The following ANKRD16 variants were observed in gnomAD, a reference collection of about 807,000 sequenced individuals.
The protein encoded by ANKRD16 is ankyrin repeat domain 16.
ANKRD16 carries 35 observed loss-of-function variants against 37.9 expected under a neutral mutation model. The observed-to-expected ratio is 0.92, with a 90% CI of 0.71 to 1.23. The LOEUF (loss-of-function observed/expected upper bound fraction) is 1.23. Ranked by LOEUF, ANKRD16 falls within the 50% of genes most tolerant of loss-of-function variation. The pLI, the probability that ANKRD16 is intolerant of heterozygous loss-of-function variation, is 0.00. For missense variants in ANKRD16, 480 were observed against 469.9 expected, an observed-to-expected ratio of 1.02 and a Z score of -0.20; for synonymous variants, 206 against 197.2, an observed-to-expected ratio of 1.04 and a Z score of -0.37.
chr10:5,889,358 C>T lies in ANKRD16; in HGVS notation c.-4G>A. On this transcript the variant is annotated 5_prime_UTR_variant, in exon 1 of 8. Coordinates refer to ENST00000380094, the MANE Select transcript of ANKRD16 (RefSeq NM_019046.3). ...GCGGGTCCCCGGGCTGGGCCATCGC[C>T]GCGGGTCGGGCCGGGCTGCGCGGGG... The T allele has an allele frequency of 1.6e-6, 2 of 1,221,548 alleles. No individual in the cohort carries two copies. Among genetic ancestry groups the T allele is most frequent in the East Asian group, 3.3e-5 (1 of 29,946 alleles). The allele number at this position is 1,221,548 out of a possible 1,614,324, so 75.7% of individuals were successfully genotyped here. A position where few individuals can be genotyped will look rare whatever the true frequency, so the allele number is the denominator to read the frequency against.
chr10:5,875,997 C>A (rs1211236174), intron 7 of ANKRD16, among the ~76,000 whole-genome samples: 1 of 152,174 alleles, frequency 6.6e-6, no homozygotes. Flanking sequence ...GATTCTCCTG[C>A]CTCAGCCTCC....
intron 5 of ANKRD16, among the ~76,000 whole-genome samples, chr10:5,881,364 G>A (rs1020096529): frequency 2.1e-5 from 3 of 144,704 alleles, no homozygotes; most frequent in East Asian, 4.1e-4. Flanking sequence ...GATCATAACC[G>A]CTCATAAATG....
chr10:5,889,726 A>C lies in ANKRD16; in HGVS notation c.-372T>G. ...CTGGAGCTGCAGCGGCCCGTACGTG[A>C]TTCGGGACTGAACACGTAAGGGAGT... is the stretch of plus-strand genomic sequence containing the variant. On this transcript the variant is annotated 5_prime_UTR_variant, in exon 1 of 8. Coordinates refer to ENST00000380094, the MANE Select transcript of ANKRD16 (RefSeq NM_019046.3). 1 of 162,690 alleles carries C rather than the reference A, an allele frequency of 6.1e-6. No homozygotes were observed. The allele number at this position is 162,690 out of a possible 1,614,324, so 10.1% of individuals were successfully genotyped here. A position where few individuals can be genotyped will look rare whatever the true frequency, so the allele number is the denominator to read the frequency against.
intron 6 of ANKRD16, among the ~76,000 whole-genome samples, chr10:5,879,979 G>A (rs1842261269): frequency 1.3e-5 from 2 of 151,628 alleles, no homozygotes; most frequent in Non-Finnish European, 2.9e-5. Context: ...GCCAACATAG[G>A]GAAACCCCAT....
At position 5,871,548 on chromosome 10, in the gene ANKRD16, T is replaced by G. The variant is rs942547913; in HGVS notation, c.*33+6549A>C. On this transcript the variant is annotated intron_variant, in intron 7 of 7. Coordinates refer to ENST00000380094, the MANE Select transcript of ANKRD16 (RefSeq NM_019046.3). The surrounding 1 kb of genome is among the most constrained non-coding windows in gnomAD (Gnocchi z 4.5). ...AAACGTAATAAATGTGCTCCACAAA[T>G]CCCCCACCCTCCTAGATACTGGCAT... 6.6e-6 allele frequency among the ~76,000 whole-genome samples: 1 copy of G among 152,120 alleles called. No homozygotes were observed. The highest frequency in any genetic ancestry group is 2.4e-5 in the African/African-American group (1 of 41,414).
chr10:5,880,292 C>A lies in ANKRD16; in HGVS notation c.928+6G>T. The A allele has an allele frequency of 6.4e-7, 1 of 1,559,628 alleles. No homozygotes were observed. The highest frequency in any genetic ancestry group is 8.7e-7 in the Non-Finnish European group (1 of 1,144,856). ...TTTCCAAGGCATATATAAAATTAAA[C>A]GGTACCTGATCGATTTTTTTCATCT... On this transcript the variant is annotated splice_donor_region_variant and intron_variant, in intron 6 of 7. Transcript: ENST00000380094.
Position 5,862,310 on chromosome 10 carries a change from C to A in ANKRD16, c.*415G>T. 1 of 400,286 alleles carries A rather than the reference C, an allele frequency of 2.5e-6. No individual in the cohort carries two copies. The highest frequency in any genetic ancestry group is 1.9e-5 in the South Asian group (1 of 53,906). The allele number at this position is 400,286 out of a possible 1,614,324, so 24.8% of individuals were successfully genotyped here. On this transcript the variant is annotated 3_prime_UTR_variant, in exon 8 of 8. Transcript: ENST00000380094. This position sits in a 1 kb window ranked among gnomAD's most constrained non-coding sequence, Gnocchi z 6.5. ...CAGAAGTGGTGCTACCACTGTGTTT[C>A]ATGTTTTTGTGTTTCTTTCTTTCTG...
intron 5 of ANKRD16, among the ~76,000 whole-genome samples, chr10:5,881,444 ATAT>A (rs1564417917): frequency 0.01 from 1,182 of 113,022 alleles, 72 homozygotes; most frequent in South Asian, 0.028. Context: ...TTATTTATAT[ATAT>A]ATATATATAT....
rs1055140617 is a variant in ANKRD16 at position 5,867,984 on chromosome 10, G to A, written c.*34-5293C>T. Among the ~76,000 whole-genome samples the A allele has an allele frequency of 6.6e-5, 10 of 152,278 alleles. No individual in the cohort carries two copies. In the South Asian group the frequency reaches 1.0e-3, roughly 16 times the overall value. On this transcript the variant is annotated intron_variant, in intron 7 of 7. Coordinates refer to ENST00000380094, the MANE Select transcript of ANKRD16 (RefSeq NM_019046.3). ...TACACTAACCAGGCAGGGATAGTAC[G>A]AGATGCCGCCTGGCGTTTACAGGAA...
At chr10:5,881,474 A>G (rs1288320434) in intron 5 of ANKRD16, among the ~76,000 whole-genome samples, 5 of 94,270 alleles carry the variant, frequency 5.3e-5, no homozygotes, top group African/African-American at 2.1e-4. Context: ...ATATATATAT[A>G]TATATATTTG....
At position 5,887,987 on chromosome 10, in the gene ANKRD16, A is replaced by C; in HGVS notation, c.395T>G (p.Leu132Arg). The change falls in exon 2 of 8, where the codon CTG becomes CGG. Residue 132 changes from leucine (L) to arginine (R), a missense_variant. Coordinates refer to ENST00000380094, the MANE Select transcript of ANKRD16 (RefSeq NM_019046.3). The stretch of plus-strand genomic sequence containing the variant: ...ACTGTTCCAGCCATCTTTGTTCTTC[A>C]GGAGTGGATTGGCGCCATGTTCCAC... ...ELVEHGANPL[L>R]KNKDGWNSFH... 6.2e-7 allele frequency: 1 copy of C among 1,614,170 alleles called. No homozygotes were observed. The highest frequency in any genetic ancestry group is 8.5e-7 in the Non-Finnish European group (1 of 1,180,030).
intron 1 of ANKRD16, 36 bp downstream of exon 1, chr10:5,889,003 TAG>T: frequency 6.8e-7 from 1 of 1,480,814 alleles, no homozygotes; most frequent in South Asian, 1.3e-5. Flanking sequence ...ACTCTGCGAG[TAG>T]AGGGGAGGCG....
At position 5,888,017 on chromosome 10, in the gene ANKRD16, T is replaced by A. The variant is rs759292431; in HGVS notation, c.365A>T (p.Glu122Val). 10 of 1,614,178 alleles carry A rather than the reference T, an allele frequency of 6.2e-6. No homozygotes were observed. Among genetic ancestry groups the A allele is most frequent in the Non-Finnish European group, 7.6e-6 (9 of 1,180,008 alleles). Residue 122 changes from glutamate to valine, a missense_variant, in exon 2 of 8, where the codon GAG becomes GTG. Coordinates refer to ENST00000380094, the MANE Select transcript of ANKRD16 (RefSeq NM_019046.3). ...CTRKNLGVIQ[E>V]LVEHGANPLL... ...TGGATTGGCGCCATGTTCCACCAGC[T>A]CCTGGATCACCCCCAGGTTCTTCCT...
chr10:5,881,163 T>C, intron 5 of ANKRD16: 1 of 759,530 alleles, frequency 1.3e-6, no homozygotes. Flanking sequence ...ATTAAATAAA[T>C]ATTTTGGTGA....
Position 5,871,328 on chromosome 10 carries a change from T to C in ANKRD16, c.*33+6769A>G, listed in dbSNP as rs1842086416. ...CTTGAACCCGGGAGGCAGAGGTTGC[T>C]GTGAGCCGAGATTGAGCCATTGCAC... On this transcript the variant is annotated intron_variant, in intron 7 of 7. Transcript: ENST00000380094. The surrounding 1 kb of genome is among the most constrained non-coding windows in gnomAD (Gnocchi z 4.5). Among the ~76,000 whole-genome samples the C allele has an allele frequency of 6.6e-6, 1 of 151,916 alleles. No individual in the cohort carries two copies. Among genetic ancestry groups the C allele is most frequent in the African/African-American group, 2.4e-5 (1 of 41,322 alleles).
At chr10:5,867,358 T>C (rs917461631) in intron 7 of ANKRD16, among the ~76,000 whole-genome samples, 4 of 152,174 alleles carry the variant, frequency 2.6e-5, no homozygotes, top group African/African-American at 9.7e-5. Context: ...ATTCAGTAAG[T>C]GATAAGGAAA....
rs1364258344 is a variant in ANKRD16 at position 5,887,935 on chromosome 10, G to T, written c.447C>A (p.Asp149Glu). 1 of 1,614,180 alleles carries T rather than the reference G, an allele frequency of 6.2e-7. No homozygotes were observed. The highest frequency in any genetic ancestry group is 8.5e-7 in the Non-Finnish European group (1 of 1,180,026). ...NSFHIASREGDPLILQYLLTV... is the reference protein window; with the variant it reads ...NSFHIASREGEPLILQYLLTV... ...TGAGCAGGTACTGGAGGATCAGAGG[G>T]TCGCCTTCTCGACTGGCAATGTGGA... The change falls in exon 2 of 8, where the codon GAC (aspartate) becomes GAA (glutamate). Residue 149 changes from aspartate (D) to glutamate (E), a missense_variant. Physicochemically the swap from Asp to Glu is conservative, Grantham distance 45. Coordinates refer to ENST00000380094, the MANE Select transcript of ANKRD16 (RefSeq NM_019046.3).
At chr10:5,886,783 ATTG>A (rs777106707) in intron 2 of ANKRD16, among the ~76,000 whole-genome samples, 115 of 152,320 alleles carry the variant, frequency 7.5e-4, no homozygotes, top group South Asian at 6.2e-4. Flanking sequence ...CTTTTTACTA[ATTG>A]TTTTCTTTTT....
At chr10:5,875,390 C>T (rs186453860) in intron 7 of ANKRD16, among the ~76,000 whole-genome samples, 2,478 of 152,086 alleles carry the variant, frequency 0.016, 52 homozygotes, top group Admixed American at 0.056. Flanking sequence ...GCATACCAGT[C>T]GGGGAGAAAA....
Sources: gnomAD v4.1 joint callset for allele counts (sites outside exome capture counted in the v4.1 genomes callset) on GRCh38, gnomAD v4.1.1 for gene constraint, Gnocchi (gnomAD v3.1) non-coding constraint, MANE v1.5 for transcripts, NCBI Gene and HGNC (gene_info 2026-07-23, HGNC 2026-07-21) for gene names.